The following BORA variants were observed in gnomAD, a reference collection of about 807,000 sequenced individuals.
The protein encoded by BORA is BORA aurora kinase A activator.
In BORA, 26 loss-of-function variants were observed where a neutral mutation model predicts 55.8. The ratio of observed to expected loss-of-function variants is 0.47; its 90% CI spans 0.34 to 0.65. BORA has a LOEUF of 0.65. Ranked by LOEUF, BORA falls within the 30% of genes least tolerant of loss-of-function variation. The probability of loss-of-function intolerance (pLI) is 0.01; values close to 1 mark genes in which losing one functional copy is unlikely to be tolerated. For synonymous variants in BORA, 201 were observed against 216.9 expected (o/e 0.93, Z 0.64); for missense variants, 568 against 671.5 (o/e 0.85, Z 1.70).
At chr13:72,729,454 G>A (rs1951897) in intron 2 of BORA, among the ~76,000 whole-genome samples, 133,703 of 152,210 alleles carry the variant, frequency 0.88, 60,896 homozygotes, top group Non-Finnish European at 0.99. Context: ...CTATGTGTCA[G>A]ATACAGTGCT....
At chr13:72,739,385 T>A (rs1368395765) in intron 5 of BORA, among the ~76,000 whole-genome samples, 1 of 152,346 alleles carries the variant, frequency 6.6e-6, no homozygotes, top group Admixed American at 6.5e-5. Flanking sequence ...CAGTGGTTAA[T>A]AGGATAGGCT....
At chr13:72,733,501 T>C (rs2138045707) in intron 3 of BORA, among the ~76,000 whole-genome samples, 1 of 152,292 alleles carries the variant, frequency 6.6e-6, no homozygotes, top group East Asian at 1.9e-4. Flanking sequence ...GCCACAGTGA[T>C]TTTTACAGTT....
chr13:72,744,060 A>G (rs901265699), intron 6 of BORA, among the ~76,000 whole-genome samples: 2 of 152,200 alleles, frequency 1.3e-5, no homozygotes, highest in Non-Finnish European at 2.9e-5. Flanking sequence ...TCAATGAGCT[A>G]CATAATAACC....
At position 72,755,445 on chromosome 13, in the gene BORA, A is replaced by C. The variant is rs563383105; in HGVS notation, c.*229A>C. ...ATTTTTTATCAATAAATATTTTTAT[A>C]CTTACATTGAGTGATGTGTTTAACA... On this transcript the variant is annotated 3_prime_UTR_variant, in exon 12 of 12. Coordinates refer to ENST00000390667, the MANE Select transcript of BORA (RefSeq NM_024808.5). The C allele has an allele frequency of 4.0e-6, 2 of 501,612 alleles. No individual in the cohort carries two copies. The highest frequency in any genetic ancestry group is 3.5e-5 in the Admixed American group (1 of 28,390). 31.1% of individuals were successfully genotyped at this position (501,612 alleles called of 1,614,324 possible). A position where few individuals can be genotyped will look rare whatever the true frequency, so the allele number is the denominator to read the frequency against.
intron 10 of BORA, among the ~76,000 whole-genome samples, chr13:72,747,721 T>G (rs560515329): frequency 6.6e-6 from 1 of 151,994 alleles, no homozygotes; most frequent in African/African-American, 2.4e-5. Flanking sequence ...TTTGTAGAGA[T>G]AGGATTTAGC....
chr13:72,755,125 A>G (rs745389279), intron 11 of BORA, 26 bp from the exon 12 acceptor site: 1 of 1,608,028 alleles, frequency 6.2e-7, no homozygotes, highest in South Asian at 1.1e-5. Context: ...TAAACTGAAA[A>G]CAAGGTATTG....
At chr13:72,742,761 TATATATACAC>T (rs1439294925) in intron 5 of BORA, among the ~76,000 whole-genome samples, 1 of 50,716 alleles carries the variant, frequency 2.0e-5, no homozygotes, top group African/African-American at 5.9e-5. Context: ...GTGATATATA[TATATATACAC>T]ACACACACAC....
chr13:72,746,469 G>A (rs1375536171), intron 9 of BORA, 32 bp from the exon 10 acceptor site: 1 of 1,567,686 alleles, frequency 6.4e-7, no homozygotes, highest in Admixed American at 1.9e-5. Flanking sequence ...ATGTTTTTAT[G>A]ATGTGATTTT....
intron 7 of BORA, 84 bp from the exon 8 acceptor site, chr13:72,744,897 C>A: frequency 7.7e-7 from 1 of 1,295,906 alleles, no homozygotes; most frequent in Non-Finnish European, 1.1e-6. Context: ...ATAGTGCATG[C>A]TGGCTTCTTA....
At chr13:72,739,190 T>C (rs1339046691) in intron 5 of BORA, among the ~76,000 whole-genome samples, 1 of 152,142 alleles carries the variant, frequency 6.6e-6, no homozygotes, top group Non-Finnish European at 1.5e-5. Context: ...TAGATACTAG[T>C]TTTTCACCCC....
At chr13:72,753,945 G>A (rs2033357584) in intron 11 of BORA, 124 bp downstream of exon 11, 13 of 1,005,056 alleles carry the variant, frequency 1.3e-5, no homozygotes, top group Non-Finnish European at 1.7e-5. Context: ...AGGTAAGCCT[G>A]TTTTCTTAAC....
Position 72,745,978 on chromosome 13 carries a change from C to CA in BORA, c.780dup (p.Tyr261IlefsTer8), listed in dbSNP as rs757390268. 1.6e-5 allele frequency: 25 copies of CA among 1,612,644 alleles called. No homozygotes were observed. Among genetic ancestry groups the CA allele is most frequent in the Non-Finnish European group, 2.1e-5 (25 of 1,179,004 alleles). Reference sequence around the variant, plus strand: ...TCTTCTAGCCCTATTCAGGCTAGTGCAAAAAAATACAGCTTGGGAAGCATA... The same window carrying CA: ...TCTTCTAGCCCTATTCAGGCTAGTGCAAAAAAAATACAGCTTGGGAAGCATA... On this transcript the variant is annotated frameshift_variant, in exon 9 of 12. Coordinates refer to ENST00000390667, the MANE Select transcript of BORA (RefSeq NM_024808.5). LOFTEE classifies it high-confidence loss of function.
At chr13:72,741,697 T>G (rs767836551) in intron 5 of BORA, among the ~76,000 whole-genome samples, 2 of 152,062 alleles carry the variant, frequency 1.3e-5, no homozygotes, top group Non-Finnish European at 2.9e-5. Flanking sequence ...CCAAAACACT[T>G]GGAATAGAGT....
At chr13:72,738,390 A>C (rs996620481) in intron 5 of BORA, among the ~76,000 whole-genome samples, 1 of 152,198 alleles carries the variant, frequency 6.6e-6, no homozygotes, top group African/African-American at 2.4e-5. Context: ...TTTTAGATAA[A>C]ACCGTAAATT....
chr13:72,731,666 A>G (rs1382948426), intron 3 of BORA, among the ~76,000 whole-genome samples: 1 of 70,242 alleles, frequency 1.4e-5, no homozygotes, highest in African/African-American at 3.4e-5. Flanking sequence ...CAGTTAAGAG[A>G]AGAACATTTT....
chr13:72,745,178 T>C lies in BORA; in HGVS notation c.709T>C (p.Cys237Arg), dbSNP rs752984985. 4 of 1,613,878 alleles carry C rather than the reference T, an allele frequency of 2.5e-6. No individual in the cohort carries two copies. The highest frequency in any genetic ancestry group is 1.6e-4 in the Middle Eastern group (1 of 6,084). The change falls in exon 8 of 12, where the codon TGT becomes CGT. Residue 237 changes from cysteine to arginine, a missense_variant. Coordinates refer to ENST00000390667, the MANE Select transcript of BORA (RefSeq NM_024808.5). ...FYSIDLSPVK[C>R]RSPLQTPSSG... ...TTCAATAGATTTGTCTCCTGTAAAG[T>C]GTAGGAGCCCCTTGCAGACACCAAG... is the stretch of plus-strand genomic sequence containing the variant.
intron 1 of BORA, 122 bp from the exon 2 acceptor site, chr13:72,728,804 C>A: frequency 1.2e-6 from 1 of 803,326 alleles, no homozygotes; most frequent in Non-Finnish European, 1.9e-6. Context: ...GTATCATAGC[C>A]CCAAGAGTGT....
At chr13:72,753,610 G>C (rs1385591107) in intron 10 of BORA, 80 bp from the exon 11 acceptor site, 158 of 1,391,970 alleles carry the variant, frequency 1.1e-4, no homozygotes, top group Non-Finnish European at 1.4e-4. Context: ...TAGTGAATGA[G>C]AGTTTATAGT....
At chr13:72,728,902 T>G in intron 1 of BORA, 24 bp from the exon 2 acceptor site, 3 of 1,540,380 alleles carry the variant, frequency 1.9e-6, no homozygotes, top group Non-Finnish European at 2.6e-6. Flanking sequence ...AATTTTAACA[T>G]GCATACTCTT....
Sources: gnomAD v4.1 joint callset for allele counts (sites outside exome capture counted in the v4.1 genomes callset) on GRCh38, gnomAD v4.1.1 for gene constraint, MANE v1.5 for transcripts, NCBI Gene and HGNC (gene_info 2026-07-23, HGNC 2026-07-21) for gene names.